The following REXO1 variants were observed in gnomAD, a reference collection of about 807,000 sequenced individuals.
REXO1 encodes the protein REX1, RNA exonuclease 1 homolog.
Under a neutral mutation model 102.6 loss-of-function variants are expected in REXO1, and 42 were observed. The ratio of observed to expected loss-of-function variants is 0.41; its 90% CI spans 0.32 to 0.53. The LOEUF (loss-of-function observed/expected upper bound fraction) is 0.53, where lower values mean the gene tolerates loss of function less well. Among genes scored for constraint, REXO1 ranks in the 20% least tolerant of loss-of-function variants. REXO1 has a pLI of 0.27. For missense variants in REXO1, 1,819 were observed against 1,732.5 expected (o/e 1.05, Z -0.89); for synonymous variants, 908 against 779.1 (o/e 1.17, Z -2.76).
chr19:1,837,781 G>A (rs2070083379), intron 1 of REXO1, among the ~76,000 whole-genome samples: 1 of 152,186 alleles, frequency 6.6e-6, no homozygotes, highest in Non-Finnish European at 1.5e-5. Flanking sequence ...TGCAGTGCCA[G>A]GACCGCCCAG....
chr19:1,837,869 C>T (rs2070086439), intron 1 of REXO1, among the ~76,000 whole-genome samples: 1 of 152,230 alleles, frequency 6.6e-6, no homozygotes, highest in Admixed American at 6.5e-5. Flanking sequence ...CAGCTCTGCT[C>T]TCTGGGGCGT....
chr19:1,824,346 G>C (rs976370083), intron 3 of REXO1: 1 of 152,440 alleles, frequency 6.6e-6, no homozygotes, highest in Non-Finnish European at 1.5e-5. Context: ...GGTCACCCTG[G>C]GGCTGCTGAC....
chr19:1,844,411 A>G (rs980218139), intron 1 of REXO1, among the ~76,000 whole-genome samples: 2 of 152,198 alleles, frequency 1.3e-5, no homozygotes, highest in Non-Finnish European at 2.9e-5. Context: ...GAAGAGCCAG[A>G]AGGAGGAGGA....
In REXO1 at chr19:1,826,847, C is replaced by G. The variant is rs751424402; in HGVS notation, c.1911+31G>C. The G allele has an allele frequency of 3.2e-6, 5 of 1,553,138 alleles. No homozygotes were observed. The highest frequency in any genetic ancestry group is 4.3e-6 in the Non-Finnish European group (5 of 1,150,200). ...CCAGGCCCTCGGCTCTGCCTCTGCC[C>G]GAGCCCAGCCCCAGCACCCGCGCGC... On this transcript the variant is annotated intron_variant, in intron 2 of 15. Coordinates refer to ENST00000170168, the MANE Select transcript of REXO1 (RefSeq NM_020695.4). This position sits in a 1 kb window ranked among gnomAD's most constrained non-coding sequence, Gnocchi z 4.3.
chr19:1,831,091 G>A (rs766553570), intron 1 of REXO1, among the ~76,000 whole-genome samples: 5 of 152,160 alleles, frequency 3.3e-5, no homozygotes, highest in Non-Finnish European at 5.9e-5. Flanking sequence ...CACCAAGCCC[G>A]CAGTCCCATG....
chr19:1,830,127 G>A (rs554815370), intron 1 of REXO1, among the ~76,000 whole-genome samples: 2 of 152,326 alleles, frequency 1.3e-5, no homozygotes, highest in East Asian at 3.9e-4. Flanking sequence ...AAGAAAACAT[G>A]AGCAAGTGGA....
intron 1 of REXO1, among the ~76,000 whole-genome samples, chr19:1,845,392 G>T (rs770178799): frequency 6.6e-6 from 1 of 152,190 alleles, no homozygotes; most frequent in Admixed American, 6.5e-5. Context: ...AGCCCAGCGC[G>T]GTGCTTCACG....
At chr19:1,820,461 C>T (rs2069500104) in intron 5 of REXO1, 66 bp from the exon 6 acceptor site, 18 of 1,580,594 alleles carry the variant, frequency 1.1e-5, no homozygotes, top group South Asian at 6.7e-5. Flanking sequence ...GGAACGCAGA[C>T]GCGATGAGGC....
intron 7 of REXO1, among the ~76,000 whole-genome samples, chr19:1,819,429 C>CGGGGGAT (rs1308066479): frequency 2.0e-5 from 3 of 150,982 alleles, no homozygotes; most frequent in Non-Finnish European, 4.4e-5. Context: ...GAGAACAGCA[C>CGGGGGAT]GGGGGATCTA....
At chr19:1,819,153 G>A in intron 7 of REXO1, 22 bp from the exon 8 acceptor site, 1 of 1,536,094 alleles carries the variant, frequency 6.5e-7, no homozygotes, top group Non-Finnish European at 8.8e-7. Context: ...GGAGGGAGGG[G>A]AGGAGGGTGT....
chr19:1,843,011 G>A (rs924431229), intron 1 of REXO1, among the ~76,000 whole-genome samples: 3 of 152,144 alleles, frequency 2.0e-5, no homozygotes, highest in African/African-American at 7.2e-5. Flanking sequence ...GAAACCCCAG[G>A]CCCCTTTCCT....
At chr19:1,835,006 G>A (rs760367404) in intron 1 of REXO1, 3 of 420,728 alleles carry the variant, frequency 7.1e-6, no homozygotes, top group Non-Finnish European at 9.8e-6. Flanking sequence ...AGGTCTGGAA[G>A]TTTCACACAG....
At position 1,828,136 on chromosome 19, in the gene REXO1, C is replaced by A. The variant is rs878987027; in HGVS notation, c.653G>T (p.Ser218Ile). 1.9e-6 allele frequency: 3 copies of A among 1,612,090 alleles called. No individual in the cohort carries two copies. In the South Asian group the frequency reaches 3.3e-5, roughly 18 times the overall value. Residue 218 changes from serine to isoleucine, a missense_variant, in exon 2 of 16, where the codon AGT becomes ATT. Transcript: ENST00000170168. ...GGAGTTGTCCACCACGTACTTGCCACTGGGAACGGGGCGGCTGTGCCGCCG... is the reference window on the plus strand; with the variant it reads ...GGAGTTGTCCACCACGTACTTGCCAATGGGAACGGGGCGGCTGTGCCGCCG... ...QPRRHSRPVPSGKYVVDNSRP... is the reference protein window; with the variant it reads ...QPRRHSRPVPIGKYVVDNSRP...
intron 1 of REXO1, chr19:1,834,977 T>C (rs958640798): frequency 9.2e-6 from 4 of 436,562 alleles, no homozygotes; most frequent in East Asian, 1.6e-4. Flanking sequence ...GGCAGCATCC[T>C]GGCCTGGGCG....
At chr19:1,836,471 C>T (rs1437528278) in intron 1 of REXO1, among the ~76,000 whole-genome samples, 1 of 151,544 alleles carries the variant, frequency 6.6e-6, no homozygotes, top group Non-Finnish European at 1.5e-5. Context: ...GCTGGCTGGA[C>T]ACGATGGCTC....
Position 1,818,859 on chromosome 19 carries a change from G to C in REXO1, c.2765-16C>G, listed in dbSNP as rs923166595. The C allele has an allele frequency of 1.6e-5, 26 of 1,608,710 alleles. No homozygotes were observed. The highest frequency in any genetic ancestry group is 2.2e-5 in the Non-Finnish European group (26 of 1,179,164). ...AGGGCAGCCCCTGTGGACAGGCACA[G>C]TGGTCAGCCCCTGCCTGGGATGGCC... On this transcript the variant is annotated splice_polypyrimidine_tract_variant and intron_variant, in intron 8 of 15. Transcript: ENST00000170168.
At chr19:1,829,159 GGCGGTGTGCCT>G (rs1354463651) in intron 1 of REXO1, among the ~76,000 whole-genome samples, 3 of 152,224 alleles carry the variant, frequency 2.0e-5, no homozygotes, top group Non-Finnish European at 4.4e-5. Flanking sequence ...GTGGTGTGGT[GGCGGTGTGCCT>G]GCGGTGATGT....
Position 1,827,389 on chromosome 19 carries a change from G to T in REXO1, c.1400C>A (p.Pro467Gln). The stretch of plus-strand genomic sequence containing the variant: ...GCGGGGTGGGCCTCTGCCGGCCGCC[G>T]GTCGGGAGTCCCCGCTTGTGGGGCT... ...RPSPTSGDSR[P>Q]AAGRGPPRPL... is the part of the protein sequence containing the mutation. The change falls in exon 2 of 16, where the codon CCG becomes CAG. Residue 467 changes from proline to glutamine, a missense_variant. By Grantham distance (76) the Pro-to-Gln change is moderately conservative. Coordinates refer to ENST00000170168, the MANE Select transcript of REXO1 (RefSeq NM_020695.4). 3 of 1,538,264 alleles carry T rather than the reference G, an allele frequency of 2.0e-6. No individual in the cohort carries two copies. The highest frequency in any genetic ancestry group is 2.6e-6 in the Non-Finnish European group (3 of 1,150,090).
rs756732043 is a variant in REXO1 at position 1,828,414 on chromosome 19, G to C, written c.375C>G (p.Pro125=). Residue 125 remains proline (P), a synonymous_variant, in exon 2 of 16, where the codon CCC becomes CCG. Transcript: ENST00000170168. ...CGTTGGGGCCGCGGGGCGCCAGGGC[G>C]GGGGCCTCGGCGGAGCGGTGCTCAC... ...TTREHRSAEA[P]ALAPRGPNAS... is the part of the protein sequence containing the mutation. 1.2e-5 allele frequency: 19 copies of C among 1,607,480 alleles called. 1 individual carries two copies. In the South Asian group the frequency reaches 2.1e-4, roughly 18 times the overall value.
Sources: allele counts gnomAD v4.1 joint callset (sites outside exome capture counted in the v4.1 genomes callset), GRCh38; gene constraint gnomAD v4.1.1; non-coding constraint Gnocchi (gnomAD v3.1); transcripts MANE v1.5; gene names NCBI Gene and HGNC (gene_info 2026-07-23, HGNC 2026-07-21).